Variants in MICB observed in about 807,000 individuals in gnomAD.
MICB encodes MHC class I antigen-related protein B.
A neutral mutation model predicts 34.3 loss-of-function variants in MICB; 27 were observed. That is an observed-to-expected ratio of 0.79 (90% CI 0.58 to 1.08). MICB has a LOEUF of 1.08. Ranked by LOEUF, MICB falls within the 50% of genes least tolerant of loss-of-function variation. MICB has a pLI of 0.00. For synonymous variants in MICB, 153 were observed against 187.4 expected (o/e 0.82, Z 1.50); for missense variants, 426 against 483.1 (o/e 0.88, Z 1.11).
intron 1 of MICB, among the ~76,000 whole-genome samples, chr6:31,500,738 T>G (rs1195681133): frequency 3.3e-5 from 5 of 152,184 alleles, no homozygotes; most frequent in Admixed American, 3.3e-4. Context: ...TCACTTCACA[T>G]GATGACCTCC....
chr6:31,497,809 C>T (rs1431422261), upstream of MICB, among the ~76,000 whole-genome samples: 3 of 152,136 alleles, frequency 2.0e-5, no homozygotes, highest in Non-Finnish European at 2.9e-5. Flanking sequence ...AGCCCGCGCT[C>T]CTTGGGGGTG....
At chr6:31,502,911 G>C (rs184729631) in intron 1 of MICB, among the ~76,000 whole-genome samples, 4 of 152,274 alleles carry the variant, frequency 2.6e-5, no homozygotes, top group Admixed American at 2.6e-4. Context: ...ATTGAGGTCT[G>C]TTCCTTGTAT....
intron 5 of MICB, 46 bp from the exon 6 acceptor site, chr6:31,509,736 C>A (rs766740480): frequency 6.5e-7 from 1 of 1,539,334 alleles, no homozygotes; most frequent in South Asian, 1.3e-5. Flanking sequence ...GGAATAAACA[C>A]AACACTGCAC....
At position 31,498,791 on chromosome 6, in the gene MICB, G is replaced by T. The variant is rs1348147744; in HGVS notation, c.70+528G>T. On this transcript the variant is annotated intron_variant, in intron 1 of 5. Coordinates refer to ENST00000252229, the MANE Select transcript of MICB (RefSeq NM_005931.5). ...CTCCTGTCTCCTTTCAGTCCTCCTC[G>T]GGATCGCGCATCACCCGCATTTTCT... The T allele has an allele frequency of 4.6e-5, 7 of 152,378 alleles. 1 individual carries two copies. In the South Asian group the frequency reaches 8.4e-4, roughly 18 times the overall value. The allele number at this position is 152,378 out of a possible 1,614,324, so 9.4% of individuals were successfully genotyped here.
chr6:31,498,185 G>T lies in MICB; in HGVS notation c.-9G>T, dbSNP rs753680228. 1 of 1,577,866 alleles carries T rather than the reference G, an allele frequency of 6.3e-7. No individual in the cohort carries two copies. On this transcript the variant is annotated 5_prime_UTR_variant, in exon 1 of 6. Transcript: ENST00000252229. ...GCTGAGCAGCTGAGAAGGTGGCGAC[G>T]TAGGGGCCATGGGGCTGGGCCGGGT... is the stretch of plus-strand genomic sequence containing the variant.
Position 31,498,207 on chromosome 6 carries a change from G to A in MICB, c.14G>A (p.Arg5Gln). The change falls in exon 1 of 6, where the codon CGG becomes CAG. Residue 5 changes from arginine to glutamine, a missense_variant. Physicochemically the swap from Arg to Gln is conservative, Grantham distance 43. Transcript: ENST00000252229. MGLG[R>Q]VLLFLAVAFP... The stretch of plus-strand genomic sequence containing the variant: ...GACGTAGGGGCCATGGGGCTGGGCC[G>A]GGTCCTGCTGTTTCTGGCCGTCGCC... 1 of 1,584,124 alleles carries A rather than the reference G, an allele frequency of 6.3e-7. No homozygotes were observed. Among genetic ancestry groups the A allele is most frequent in the Non-Finnish European group, 8.6e-7 (1 of 1,163,514 alleles).
upstream of MICB, among the ~76,000 whole-genome samples, chr6:31,497,922 G>T (rs1290886653): frequency 1.3e-5 from 2 of 152,210 alleles, no homozygotes; most frequent in Non-Finnish European, 2.9e-5. Flanking sequence ...GCTGGTCCTT[G>T]ATTTTGGCTG....
At chr6:31,498,321 G>A in intron 1 of MICB, 58 bp downstream of exon 1, 8 of 1,416,018 alleles carry the variant, frequency 5.6e-6, no homozygotes, top group Middle Eastern at 5.1e-4. Context: ...GTTTCCGGGG[G>A]TCCGGGTGGG....
chr6:31,502,929 T>G (rs1473190097), intron 1 of MICB, among the ~76,000 whole-genome samples: 2 of 152,232 alleles, frequency 1.3e-5, no homozygotes, highest in African/African-American at 4.8e-5. Context: ...TATACTCAGT[T>G]TTTTTAGAGT....
At chr6:31,504,727 C>T (rs1344797104) in intron 1 of MICB, among the ~76,000 whole-genome samples, 1 of 152,104 alleles carries the variant, frequency 6.6e-6, no homozygotes, top group Non-Finnish European at 1.5e-5. Flanking sequence ...GGCGTCATAT[C>T]CATGAAAGCA....
At chr6:31,504,335 C>T (rs1184988615) in intron 1 of MICB, among the ~76,000 whole-genome samples, 1 of 136,248 alleles carries the variant, frequency 7.3e-6, no homozygotes, top group East Asian at 2.3e-4. Context: ...TCTCAGCTCA[C>T]TGCAAGCTCC....
intron 1 of MICB, among the ~76,000 whole-genome samples, chr6:31,503,522 C>G (rs186850678): frequency 1.3e-5 from 2 of 152,106 alleles, no homozygotes; most frequent in Non-Finnish European, 2.9e-5. Flanking sequence ...TTTGACCACT[C>G]TAGGTACCTC....
intron 1 of MICB, among the ~76,000 whole-genome samples, chr6:31,502,107 A>G (rs1765048944): frequency 6.6e-6 from 1 of 152,130 alleles, no homozygotes; most frequent in Non-Finnish European, 1.5e-5. Context: ...AGGCCGAGTC[A>G]GGTGGATCAC....
At chr6:31,499,548 C>CGG (rs9281512) in intron 1 of MICB, among the ~76,000 whole-genome samples, 15 of 151,654 alleles carry the variant, frequency 9.9e-5, no homozygotes, top group South Asian at 8.3e-4. Flanking sequence ...GCCTTTTGTC[C>CGG]GGGGGGGTCT....
At chr6:31,497,648 G>A (rs969287150), upstream of MICB, among the ~76,000 whole-genome samples, 1 of 152,206 alleles carries the variant, frequency 6.6e-6, no homozygotes, top group Admixed American at 6.5e-5. Flanking sequence ...TCTGGAAACA[G>A]GTCTGCAAAT....
intron 1 of MICB, among the ~76,000 whole-genome samples, chr6:31,500,430 A>G (rs569410025): frequency 6.6e-6 from 1 of 152,272 alleles, no homozygotes; most frequent in South Asian, 2.1e-4. Context: ...CACAACAAGC[A>G]TTTATCCTTT....
upstream of MICB, among the ~76,000 whole-genome samples, chr6:31,495,569 T>C (rs1764609133): frequency 6.6e-6 from 1 of 152,186 alleles, no homozygotes; most frequent in African/African-American, 2.4e-5. Context: ...CATTACATTT[T>C]CATCCACAGA....
intron 1 of MICB, chr6:31,498,673 TAGTC>T (rs1401785839): frequency 6.4e-6 from 1 of 155,936 alleles, no homozygotes; most frequent in East Asian, 1.9e-4. Context: ...TTCACCGTGT[TAGTC>T]AGGATGGTCT....
rs759426491 is a variant in MICB at position 31,506,197 on chromosome 6, C to G, written c.380C>G (p.Thr127Ser). 1 of 1,614,134 alleles carries G rather than the reference C, an allele frequency of 6.2e-7. No individual in the cohort carries two copies. The highest frequency in any genetic ancestry group is 1.1e-5 in the South Asian group (1 of 91,082). Residue 127 changes from threonine (T) to serine (S), a missense_variant, in exon 3 of 6, where the codon ACC becomes AGC. By Grantham distance (58) the Thr-to-Ser change is moderately conservative. Coordinates refer to ENST00000252229, the MANE Select transcript of MICB (RefSeq NM_005931.5). ...RVCEIHEDSS[T>S]RGSRHFYYDG... Reference sequence around the variant, plus strand: ...TGTGAGATCCATGAAGACAGCAGCACCAGGGGCTCCCGGCATTTCTACTAC... The same window carrying G: ...TGTGAGATCCATGAAGACAGCAGCAGCAGGGGCTCCCGGCATTTCTACTAC...
Sources: gnomAD v4.1 joint callset for allele counts (sites outside exome capture counted in the v4.1 genomes callset) on GRCh38, gnomAD v4.1.1 for gene constraint, MANE v1.5 for transcripts, NCBI Gene and HGNC (gene_info 2026-07-23, HGNC 2026-07-21) for gene names.